The following SUCLG2 variants were observed in gnomAD, a reference collection of about 807,000 sequenced individuals.
The protein encoded by SUCLG2 is succinate-CoA ligase GDP-forming subunit beta.
A neutral mutation model predicts 47.9 loss-of-function variants in SUCLG2; 42 were observed. The observed-to-expected ratio is 0.88, with a 90% CI of 0.69 to 1.14. SUCLG2 has a LOEUF of 1.14. Ranked by LOEUF, SUCLG2 falls within the 50% of genes most tolerant of loss-of-function variation. The pLI, the probability that SUCLG2 is intolerant of heterozygous loss-of-function variation, is 0.00. For synonymous variants in SUCLG2, 195 were observed against 197.3 expected (o/e 0.99, Z 0.10); for missense variants, 571 against 525.9 (o/e 1.09, Z -0.84).
At chr3:67,620,348 G>A (rs1027178590) in intron 1 of SUCLG2, among the ~76,000 whole-genome samples, 1 of 152,062 alleles carries the variant, frequency 6.6e-6, no homozygotes, top group Non-Finnish European at 1.5e-5. Flanking sequence ...ACTTTCGGAA[G>A]CCAAGGCAGA....
At chr3:67,520,869 A>G (rs1363026171) in intron 4 of SUCLG2, among the ~76,000 whole-genome samples, 1 of 152,182 alleles carries the variant, frequency 6.6e-6, no homozygotes, top group African/African-American at 2.4e-5. Flanking sequence ...CGTTTGCCTC[A>G]AGGAACCTTC....
chr3:67,513,059 T>C (rs556864852), intron 6 of SUCLG2, among the ~76,000 whole-genome samples: 4 of 150,992 alleles, frequency 2.6e-5, no homozygotes, highest in Admixed American at 2.6e-4. Context: ...ATAAAAGATA[T>C]GCATATATAT....
intron 7 of SUCLG2, among the ~76,000 whole-genome samples, chr3:67,499,310 G>C (rs1705434913): frequency 6.6e-6 from 1 of 151,890 alleles, no homozygotes; most frequent in South Asian, 2.1e-4. Context: ...TTCTTCTCTG[G>C]GCCTTGGTTT....
chr3:67,381,737 A>G (rs1340121251), intron 10 of SUCLG2, among the ~76,000 whole-genome samples: 3 of 152,174 alleles, frequency 2.0e-5, no homozygotes, highest in Non-Finnish European at 2.9e-5. Flanking sequence ...TTAAAAATGG[A>G]AAATCAAAGG....
chr3:67,413,564 A>G (rs946986728), intron 9 of SUCLG2, among the ~76,000 whole-genome samples: 4 of 152,242 alleles, frequency 2.6e-5, no homozygotes, highest in Non-Finnish European at 5.9e-5. Flanking sequence ...ATTCTGTTCT[A>G]CTAAGCAAAT....
intron 1 of SUCLG2, among the ~76,000 whole-genome samples, chr3:67,615,562 CG>C (rs1232013050): frequency 6.6e-6 from 1 of 151,156 alleles, no homozygotes; most frequent in Non-Finnish European, 1.5e-5. Flanking sequence ...TCAAACAAAA[CG>C]GAAGAAGCCA....
chr3:67,441,949 C>G (rs1433982716), intron 9 of SUCLG2, among the ~76,000 whole-genome samples: 1 of 152,134 alleles, frequency 6.6e-6, no homozygotes, highest in Non-Finnish European at 1.5e-5. Context: ...ATATAAAATA[C>G]CTGTCAAGCA....
intron 10 of SUCLG2, among the ~76,000 whole-genome samples, chr3:67,367,656 C>G (rs1701894020): frequency 1.3e-5 from 2 of 152,158 alleles, no homozygotes; most frequent in Non-Finnish European, 2.9e-5. Context: ...TTGGCCTCTA[C>G]CTACTAGAAG....
intron 9 of SUCLG2, among the ~76,000 whole-genome samples, chr3:67,441,869 G>A (rs1392982585): frequency 6.6e-6 from 1 of 152,138 alleles, no homozygotes; most frequent in Admixed American, 6.6e-5. Context: ...CTTCCCATCT[G>A]CTCCTCCTCC....
chr3:67,566,383 A>C (rs748984608), intron 2 of SUCLG2, among the ~76,000 whole-genome samples: 13 of 152,228 alleles, frequency 8.5e-5, no homozygotes, highest in Non-Finnish European at 1.6e-4. Flanking sequence ...AAAAAATCTC[A>C]TATACCATGT....
chr3:67,569,011 T>G (rs182060169), intron 2 of SUCLG2, among the ~76,000 whole-genome samples: 141 of 152,302 alleles, frequency 9.3e-4, no homozygotes, highest in African/African-American at 3.3e-3. Context: ...TAGTTGAAAC[T>G]GTATTAGAAA....
exon 11 of SUCLG2, chr3:67,360,742 A>T (rs902321): frequency 6.6e-7 from 1 of 1,525,190 alleles, no homozygotes; most frequent in Non-Finnish European, 8.8e-7. Flanking sequence ...ATGTGCATAT[A>T]ACTTCCTTTT....
chr3:67,374,282 G>C (rs1244322531), downstream of SUCLG2, among the ~76,000 whole-genome samples: 1 of 152,148 alleles, frequency 6.6e-6, no homozygotes, highest in Non-Finnish European at 1.5e-5. Context: ...AAACAATAAT[G>C]ACTTTCATAC....
intron 2 of SUCLG2, among the ~76,000 whole-genome samples, chr3:67,601,241 T>C (rs1297091314): frequency 6.6e-6 from 1 of 152,212 alleles, no homozygotes; most frequent in African/African-American, 2.4e-5. Flanking sequence ...GCTGAATGCA[T>C]GTGTGCAAAA....
At chr3:67,465,915 A>C (rs1345177664) in intron 9 of SUCLG2, among the ~76,000 whole-genome samples, 2 of 152,100 alleles carry the variant, frequency 1.3e-5, no homozygotes, top group Non-Finnish European at 2.9e-5. Context: ...CAAGTTTGAG[A>C]AACAATGACC....
At chr3:67,512,327 C>T (rs1032606915) in intron 6 of SUCLG2, among the ~76,000 whole-genome samples, 5 of 150,746 alleles carry the variant, frequency 3.3e-5, no homozygotes, top group African/African-American at 9.9e-5. Context: ...AGTTAAAGTG[C>T]GAAGCCAGCA....
intron 10 of SUCLG2, among the ~76,000 whole-genome samples, chr3:67,364,387 T>C (rs1222952779): frequency 6.6e-6 from 1 of 151,506 alleles, no homozygotes; most frequent in African/African-American, 2.4e-5. Flanking sequence ...TATTCACTGT[T>C]GTGGTGTCAG....
intron 1 of SUCLG2, among the ~76,000 whole-genome samples, chr3:67,612,426 GT>G (rs1314644119): frequency 8.9e-6 from 1 of 112,308 alleles, no homozygotes; most frequent in African/African-American, 4.2e-5. Flanking sequence ...ATTCTCAGTT[GT>G]AAAAAAAGGG....
intron 1 of SUCLG2, among the ~76,000 whole-genome samples, chr3:67,646,781 G>A (rs1402659270): frequency 1.3e-5 from 2 of 152,096 alleles, no homozygotes; most frequent in Non-Finnish European, 2.9e-5. Context: ...TAGTATCCTG[G>A]CATAATGACT....
Sources: allele counts gnomAD v4.1 joint callset (sites outside exome capture counted in the v4.1 genomes callset), GRCh38; gene constraint gnomAD v4.1.1; transcripts MANE v1.5; gene names NCBI Gene and HGNC (gene_info 2026-07-23, HGNC 2026-07-21).